Variants in CPN2 observed in about 807,000 individuals in gnomAD.
The protein encoded by CPN2 is carboxypeptidase N 83 kDa chain.
For synonymous variants in CPN2, 336 were observed against 318.4 expected, an observed-to-expected ratio of 1.06 and a Z score of -0.59; for missense variants, 620 against 671.4, an observed-to-expected ratio of 0.92 and a Z score of 0.85.
intron 1 of CPN2, among the ~76,000 whole-genome samples, chr3:194,350,487 G>GACTTAATTATCACC (rs1713228704): frequency 6.6e-6 from 1 of 152,206 alleles, no homozygotes; most frequent in Non-Finnish European, 1.5e-5. Context: ...AGGTTTTCCA[G>GACTTAATTATCACC]ACTTAATTAT....
intron 1 of CPN2, among the ~76,000 whole-genome samples, chr3:194,348,722 C>A (rs1033455504): frequency 6.6e-6 from 1 of 151,932 alleles, no homozygotes; most frequent in African/African-American, 2.4e-5. Context: ...AACATCTCAT[C>A]TCTTCAAAAA....
At chr3:194,347,142 C>A (rs963763869) in intron 1 of CPN2, among the ~76,000 whole-genome samples, 4 of 151,954 alleles carry the variant, frequency 2.6e-5, no homozygotes, top group African/African-American at 7.2e-5. Flanking sequence ...CCATCAAATG[C>A]CCACAAATAT....
At chr3:194,349,778 CTTTTTTTTTTTTTTTTT>C (rs757478492) in intron 1 of CPN2, among the ~76,000 whole-genome samples, 877 of 65,540 alleles carry the variant, frequency 0.013, 39 homozygotes, top group East Asian at 0.025. Flanking sequence ...CTACCCTCTT[CTTTTTTTTTTTTTTTTT>C]TTTTTTTTTT....
Position 194,343,875 on chromosome 3 carries a change from T to A in CPN2, c.-3-1170A>T, listed in dbSNP as rs1446546433. ...TTGTTAAAGGTTGCAAGCTACCTCA[T>A]TACAGAAAAGGTTATTTGAACACCA... On this transcript the variant is annotated intron_variant, in intron 1 of 1. Coordinates refer to ENST00000323830, the MANE Select transcript of CPN2 (RefSeq NM_001080513.4). 2.0e-5 allele frequency among the ~76,000 whole-genome samples: 3 copies of A among 152,184 alleles called. No homozygotes were observed. The East Asian group carries it at 5.8e-4, about 29-fold the overall frequency.
chr3:194,347,374 G>A (rs1441031880), intron 1 of CPN2, among the ~76,000 whole-genome samples: 2 of 152,056 alleles, frequency 1.3e-5, no homozygotes, highest in African/African-American at 4.8e-5. Context: ...ATGGGGCCTA[G>A]AACCCTGGCC....
chr3:194,349,593 AT>A (rs1452174905), intron 1 of CPN2, among the ~76,000 whole-genome samples: 1 of 151,914 alleles, frequency 6.6e-6, no homozygotes, highest in East Asian at 1.9e-4. Flanking sequence ...CCTGGCAGTG[AT>A]GTTGCAAAGG....
chr3:194,347,224 A>C (rs112075819), intron 1 of CPN2, among the ~76,000 whole-genome samples: 2 of 151,662 alleles, frequency 1.3e-5, no homozygotes, highest in African/African-American at 4.9e-5. Context: ...GGGATAGGGA[A>C]GGTTTGGCTG....
rs1359533421 is a variant in CPN2 at position 194,342,699 on chromosome 3, G to C, written c.4C>G (p.Leu2Val). 3.7e-6 allele frequency: 5 copies of C among 1,334,052 alleles called. No individual in the cohort carries two copies. The highest frequency in any genetic ancestry group is 2.0e-5 in the Admixed American group (1 of 50,788). The allele number at this position is 1,334,052 out of a possible 1,614,324, so 82.6% of individuals were successfully genotyped here. ...GTCCAGAGCAGCCAGGCTCCAGGGA[G>C]CATCTTCTAGATTCGAGGAGGGAGA... Reference protein sequence around the residue: MLPGAWLLWTSL... With the variant: MVPGAWLLWTSL... Residue 2 changes from leucine (L) to valine (V), a missense_variant, in exon 2 of 2, where the codon CTC (leucine) becomes GTC (valine). Transcript: ENST00000323830.
chr3:194,342,438 T>C lies in CPN2; in HGVS notation c.265A>G (p.Arg89Gly). The change falls in exon 2 of 2, where the codon AGG (arginine) becomes GGG (glycine). Residue 89 changes from arginine (R) to glycine (G), a missense_variant. Coordinates refer to ENST00000323830, the MANE Select transcript of CPN2 (RefSeq NM_001080513.4). ...VFLNTQLCQFRPDAFGGLPRL... is the reference protein window; with the variant it reads ...VFLNTQLCQFGPDAFGGLPRL... ...GGCAGCCCCCCGAAGGCATCCGGCC[T>C]AAACTGGCAGAGCTGAGTGTTGAGG... 6.2e-7 allele frequency: 1 copy of C among 1,614,208 alleles called. No individual in the cohort carries two copies. The highest frequency in any genetic ancestry group is 8.5e-7 in the Non-Finnish European group (1 of 1,180,020).
chr3:194,346,985 C>A lies in CPN2; in HGVS notation c.-4+4257G>T, dbSNP rs186487966. Among the ~76,000 whole-genome samples the A allele has an allele frequency of 6.7e-3, 1,022 of 152,286 alleles. 8 individuals carry two copies. The highest frequency in any genetic ancestry group is 0.017 in the Middle Eastern group (5 of 294). ...CTCTGACTGGGAGCTCTGGCCTTGG[C>A]CCCTTCCCCAGCCTGGCCTCAAGAA... On this transcript the variant is annotated intron_variant, in intron 1 of 1. Transcript: ENST00000323830.
rs910027000 is a variant in CPN2, at chr3:194,341,008, C to A, written c.*57G>T. ...GAGACTCAGCTCCCCTCCGCCCCTA[C>A]CTGTCGCCTGGTCAGGCCCCAGAGG... On this transcript the variant is annotated 3_prime_UTR_variant, in exon 2 of 2. Transcript: ENST00000323830. 1.3e-6 allele frequency: 2 copies of A among 1,513,284 alleles called. No individual in the cohort carries two copies. Among genetic ancestry groups the A allele is most frequent in the Admixed American group, 2.1e-5 (1 of 48,024 alleles). 93.7% of individuals were successfully genotyped at this position (1,513,284 alleles called of 1,614,324 possible). A position where few individuals can be genotyped will look rare whatever the true frequency, so the allele number is the denominator to read the frequency against.
At chr3:194,346,546 C>T (rs558438164) in intron 1 of CPN2, among the ~76,000 whole-genome samples, 26 of 152,308 alleles carry the variant, frequency 1.7e-4, no homozygotes, top group African/African-American at 2.9e-4. Context: ...GGAGTGGCTA[C>T]GAGTCAGACA....
rs1576987801 is a variant in CPN2, at chr3:194,341,356, C to T, written c.1347G>A (p.Arg449=). The T allele has an allele frequency of 1.2e-6, 2 of 1,613,998 alleles. No individual in the cohort carries two copies. Among genetic ancestry groups the T allele is most frequent in the East Asian group, 4.5e-5 (2 of 44,884 alleles). Residue 449 remains arginine (R), a synonymous_variant, in exon 2 of 2, where the codon CGG becomes CGA. Coordinates refer to ENST00000323830, the MANE Select transcript of CPN2 (RefSeq NM_001080513.4). The part of the protein sequence containing the change: ...NEKQLVCPVT[R]DHLGFQVTWP... ...ACGTGACCTGGAAGCCCAAGTGGTC[C>T]CGGGTGACGGGACACACCAGCTGCT... is the stretch of plus-strand genomic sequence containing the variant.
chr3:194,343,752 C>T (rs1471804413), intron 1 of CPN2, among the ~76,000 whole-genome samples: 1 of 152,228 alleles, frequency 6.6e-6, no homozygotes, highest in Non-Finnish European at 1.5e-5. Context: ...GTCCCTACCA[C>T]ATAAGGGTAA....
At chr3:194,346,756 C>T (rs1253936390) in intron 1 of CPN2, among the ~76,000 whole-genome samples, 1 of 152,200 alleles carries the variant, frequency 6.6e-6, no homozygotes, top group Non-Finnish European at 1.5e-5. Flanking sequence ...AAATGCGTGG[C>T]AACGTTAGTG....
intron 1 of CPN2, among the ~76,000 whole-genome samples, chr3:194,349,446 T>TA (rs1713174496): frequency 6.6e-6 from 1 of 152,248 alleles, no homozygotes; most frequent in Non-Finnish European, 1.5e-5. Context: ...AAAATATATG[T>TA]TCCACATTTT....
intron 1 of CPN2, among the ~76,000 whole-genome samples, chr3:194,350,218 G>A (rs1022657412): frequency 2.0e-4 from 30 of 152,192 alleles, no homozygotes; most frequent in Admixed American, 2.0e-3. Context: ...TCTTGCTGTG[G>A]TGTCTCTGCA....
rs766252174 is a variant in CPN2 at position 194,341,244 on chromosome 3, C to T, written c.1459G>A (p.Glu487Lys). ...TCACAGGCGAGCACCACGGTGCCCT[C>T]GGGGTTGCTGTAGGTGCACTGGCTC... ...ARSQCTYSNP[E>K]GTVVLACDQA... is the part of the protein sequence containing the mutation. Residue 487 changes from glutamate (E) to lysine (K), a missense_variant, in exon 2 of 2, where the codon GAG (glutamate) becomes AAG (lysine). Physicochemically the swap from Glu to Lys is moderately conservative, Grantham distance 56 (BLOSUM62 1). Transcript: ENST00000323830. 15 of 1,613,400 alleles carry T rather than the reference C, an allele frequency of 9.3e-6. No homozygotes were observed. The highest frequency in any genetic ancestry group is 1.7e-4 in the Middle Eastern group (1 of 6,040).
In CPN2 at chr3:194,340,823, GC is replaced by G; in HGVS notation, c.*241del. The G allele has an allele frequency of 3.8e-6, 2 of 525,632 alleles. No homozygotes were observed. The highest frequency in any genetic ancestry group is 6.5e-6 in the Non-Finnish European group (2 of 307,590). The allele number at this position is 525,632 out of a possible 1,614,324, so 32.6% of individuals were successfully genotyped here. On this transcript the variant is annotated 3_prime_UTR_variant, in exon 2 of 2. Transcript: ENST00000323830. Reference sequence around the variant, plus strand: ...AGGCTGTGGTGCAGCTTTTGAGGGTGCTTTGCAAGGCATAAGGATGGCCTTG... The same window carrying G: ...AGGCTGTGGTGCAGCTTTTGAGGGTGTTTGCAAGGCATAAGGATGGCCTTG...
Sources: gnomAD v4.1 joint callset for allele counts (sites outside exome capture counted in the v4.1 genomes callset) on GRCh38, gnomAD v4.1.1 for gene constraint, MANE v1.5 for transcripts, NCBI Gene and HGNC (gene_info 2026-07-23, HGNC 2026-07-21) for gene names.